The following MAPK10 variants were observed in gnomAD, a reference collection of about 807,000 sequenced individuals.
MAPK10 encodes the protein JNK3 alpha protein kinase.
A neutral mutation model predicts 59.3 loss-of-function variants in MAPK10; 25 were observed. That is an observed-to-expected ratio of 0.42 (90% CI 0.31 to 0.59). MAPK10 has a LOEUF of 0.59. Ranked by LOEUF, MAPK10 falls within the 20% of genes least tolerant of loss-of-function variation. MAPK10 has a pLI of 0.15. For missense variants in MAPK10, 351 were observed against 568.9 expected (o/e 0.62, Z 3.90); for synonymous variants, 190 against 200.5 (o/e 0.95, Z 0.44).
chr4:86,419,763 T>C (rs891429470), intron 1 of MAPK10, among the ~76,000 whole-genome samples: 1 of 152,164 alleles, frequency 6.6e-6, no homozygotes, highest in Admixed American at 6.5e-5. Context: ...TTCTCTTATA[T>C]TCCCTCCTAG....
chr4:86,485,261 C>T (rs937771723), intron 1 of MAPK10, among the ~76,000 whole-genome samples: 1 of 152,180 alleles, frequency 6.6e-6, no homozygotes, highest in Non-Finnish European at 1.5e-5. Context: ...CAGTTCCCTC[C>T]TCTTACACTT....
chr4:86,348,977 T>A (rs569975199), intron 2 of MAPK10, among the ~76,000 whole-genome samples: 2 of 152,194 alleles, frequency 1.3e-5, no homozygotes, highest in Non-Finnish European at 2.9e-5. Context: ...CTCATTTCAT[T>A]TTATGAAAGT....
At chr4:86,532,344 A>C (rs1346015931) in intron 1 of MAPK10, among the ~76,000 whole-genome samples, 1 of 152,130 alleles carries the variant, frequency 6.6e-6, no homozygotes, top group Non-Finnish European at 1.5e-5. Flanking sequence ...ATCAAGCTCA[A>C]TGACAGTTGA....
chr4:86,135,080 A>G (rs917496020), intron 4 of MAPK10, among the ~76,000 whole-genome samples: 3 of 152,300 alleles, frequency 2.0e-5, no homozygotes, highest in South Asian at 4.1e-4. Context: ...GTCTGAGATC[A>G]AACTGCAAGG....
chr4:86,453,869 T>C (rs1243364783), upstream of MAPK10, among the ~76,000 whole-genome samples: 1 of 152,040 alleles, frequency 6.6e-6, no homozygotes. Flanking sequence ...TTTTCACCAG[T>C]CTGCCACCTC....
intron 2 of MAPK10, among the ~76,000 whole-genome samples, chr4:86,217,214 CT>C (rs1320580408): frequency 6.6e-6 from 1 of 152,156 alleles, no homozygotes. Context: ...ATTTTCTCCC[CT>C]AGTTCTTCCT....
Position 86,550,374 on chromosome 4 carries a change from T to TAAAAAAAAAAAAAAA in MAPK10, c.-263+43521_-263+43535dup, listed in dbSNP as rs753508493. 2.6e-4 allele frequency among the ~76,000 whole-genome samples: 20 copies of TAAAAAAAAAAAAAAA among 77,392 alleles called. 3 individuals are homozygous for TAAAAAAAAAAAAAAA. Among genetic ancestry groups the TAAAAAAAAAAAAAAA allele is most frequent in the Non-Finnish European group, 4.6e-4 (20 of 43,322 alleles). The allele number at this position is 77,392 out of a possible 152,430, so 50.8% of individuals were successfully genotyped here. On this transcript the variant is annotated intron_variant, in intron 1 of 4. Coordinates refer to the MAPK10 transcript ENST00000502302. ...CAGAAGGGCTAAGCAGAGCTTCAGTTAAAAAAAAAAAAAAAAAAAAAAAAA... is the reference window on the plus strand; with the variant it reads ...CAGAAGGGCTAAGCAGAGCTTCAGTTAAAAAAAAAAAAAAAAAAAAAAAAAAAAAAAAAAAAAAAA...
At chr4:86,102,194 C>T (rs2055548475) in intron 6 of MAPK10, 162 bp from the exon 7 acceptor site, 2 of 561,322 alleles carry the variant, frequency 3.6e-6, no homozygotes, top group African/African-American at 1.8e-5. Flanking sequence ...TGTGTGTTAG[C>T]TATACGAACC....
chr4:86,583,274 C>T (rs958411823), intron 1 of MAPK10, among the ~76,000 whole-genome samples: 6 of 152,106 alleles, frequency 3.9e-5, no homozygotes, highest in East Asian at 1.9e-4. Flanking sequence ...CTGCCCGCCT[C>T]GGCCTCCCAA....
chr4:86,373,041 G>A (rs1447231444), intron 1 of MAPK10, among the ~76,000 whole-genome samples: 5 of 152,284 alleles, frequency 3.3e-5, no homozygotes, highest in African/African-American at 9.6e-5. Context: ...AAATGGCATG[G>A]TAGTGGTACC....
At chr4:86,162,942 T>C (rs1428553235) in intron 3 of MAPK10, among the ~76,000 whole-genome samples, 1 of 152,090 alleles carries the variant, frequency 6.6e-6, no homozygotes, top group Non-Finnish European at 1.5e-5. Context: ...TTCTGGAGAT[T>C]TGGATTCAAG....
Position 86,386,671 on chromosome 4 carries a change from C to T in MAPK10, c.-121-32027G>A, listed in dbSNP as rs564033821. 1.8e-4 allele frequency among the ~76,000 whole-genome samples: 28 copies of T among 152,102 alleles called. No homozygotes were observed. The South Asian group carries it at 5.8e-3, about 32-fold the overall frequency. On this transcript the variant is annotated intron_variant, in intron 1 of 13. Transcript: ENST00000361569. The stretch of plus-strand genomic sequence containing the variant: ...CCCCTTGAAACTCTAACACATAACA[C>T]AATGTCTGATTCTCTGTAAATGCTT...
intron 9 of MAPK10, among the ~76,000 whole-genome samples, chr4:86,070,794 T>C (rs964466413): frequency 2.6e-5 from 4 of 151,892 alleles, no homozygotes; most frequent in African/African-American, 9.7e-5. Context: ...TCTATCATTG[T>C]TGGACATTTG....
At position 86,324,330 on chromosome 4, in the gene MAPK10, G is replaced by A. The variant is rs568973867; in HGVS notation, c.-7+30200C>T. On this transcript the variant is annotated intron_variant, in intron 2 of 13. Coordinates refer to ENST00000641462, the MANE Select transcript of MAPK10 (RefSeq NM_138982.4). ...GGAGGCTGAGGCAGGAGAATCATTTGAACCCAGGAGGCAGAGGTTGCTGTA... is the reference window on the plus strand; with the variant it reads ...GGAGGCTGAGGCAGGAGAATCATTTAAACCCAGGAGGCAGAGGTTGCTGTA... Among the ~76,000 whole-genome samples, 15 of 152,096 alleles carry A rather than the reference G, an allele frequency of 9.9e-5. No homozygotes were observed. In the East Asian group the frequency reaches 2.7e-3, roughly 27 times the overall value.
chr4:86,281,608 A>C (rs961579324), intron 2 of MAPK10, among the ~76,000 whole-genome samples: 1 of 152,208 alleles, frequency 6.6e-6, no homozygotes, highest in Non-Finnish European at 1.5e-5. Context: ...TTCACAGACC[A>C]CACTTTGAAC....
At chr4:86,197,497 A>G (rs1239425306) in intron 2 of MAPK10, among the ~76,000 whole-genome samples, 1 of 152,178 alleles carries the variant, frequency 6.6e-6, no homozygotes, top group Non-Finnish European at 1.5e-5. Flanking sequence ...GAATCATGTC[A>G]TCTGCAAACA....
chr4:86,403,342 C>G (rs1361800443), intron 1 of MAPK10, among the ~76,000 whole-genome samples: 2 of 152,062 alleles, frequency 1.3e-5, no homozygotes, highest in African/African-American at 4.8e-5. Flanking sequence ...TGGTGAAATC[C>G]CATCTCTACT....
intron 1 of MAPK10, among the ~76,000 whole-genome samples, chr4:86,405,575 C>T (rs1354012838): frequency 6.6e-6 from 1 of 152,172 alleles, no homozygotes; most frequent in Non-Finnish European, 1.5e-5. Context: ...ATTCAACATA[C>T]TAGAAAGTCT....
At chr4:86,488,375 G>A (rs1754192570) in intron 1 of MAPK10, among the ~76,000 whole-genome samples, 1 of 152,100 alleles carries the variant, frequency 6.6e-6, no homozygotes, top group South Asian at 2.1e-4. Context: ...GCTTCAATAA[G>A]CATTGTTCCT....
Sources: gnomAD v4.1 joint callset for allele counts (sites outside exome capture counted in the v4.1 genomes callset) on GRCh38, gnomAD v4.1.1 for gene constraint, MANE v1.5 for transcripts, NCBI Gene and HGNC (gene_info 2026-07-23, HGNC 2026-07-21) for gene names.